LRP4: variants seen among roughly 807,000 people sequenced by gnomAD.
LRP4 encodes LDL receptor related protein 4, also known as low-density lipoprotein receptor-related protein 4.
Under a neutral mutation model 220.3 loss-of-function variants are expected in LRP4, and 95 were observed. The observed-to-expected ratio is 0.43, with a 90% CI of 0.37 to 0.51. LRP4 has a LOEUF of 0.51. Ranked by LOEUF, LRP4 falls within the 20% of genes least tolerant of loss-of-function variation. The pLI is 0.00. For missense variants in LRP4, 1,925 were observed against 2,567.0 expected (o/e 0.75, Z 5.40); for synonymous variants, 903 against 954.6 (o/e 0.95, Z 1.00).
chr11:46,911,882 G>A lies in LRP4; in HGVS notation c.52+6446C>T, dbSNP rs1035569457. The stretch of plus-strand genomic sequence containing the variant: ...TTTTGAGACGGAGTCTCGCTCTGTC[G>A]CTCAGCCTGGAGTGCAGTGGCACAG... On this transcript the variant is annotated intron_variant, in intron 1 of 37. Coordinates refer to ENST00000378623, the MANE Select transcript of LRP4 (RefSeq NM_002334.4). Among the ~76,000 whole-genome samples the A allele has an allele frequency of 5.9e-5, 8 of 135,038 alleles. No individual in the cohort carries two copies. In the South Asian group the frequency reaches 1.4e-3, roughly 23 times the overall value. 88.6% of individuals were successfully genotyped at this position (135,038 alleles called of 152,430 possible). A position where few individuals can be genotyped will look rare whatever the true frequency, so the allele number is the denominator to read the frequency against.
intron 31 of LRP4, among the ~76,000 whole-genome samples, chr11:46,869,882 G>A (rs749864827): frequency 6.6e-6 from 1 of 152,154 alleles, no homozygotes; most frequent in Non-Finnish European, 1.5e-5. Context: ...GCCAAGGTGG[G>A]CGATCATGAG....
rs201695857 is a variant in LRP4 at position 46,878,976 on chromosome 11, G to A, written c.3067C>T (p.Pro1023Ser). The change falls in exon 22 of 38, where the codon CCA (proline) becomes TCA (serine). Residue 1023 changes from proline (P) to serine (S), a missense_variant. Pro to Ser is a moderately conservative substitution (Grantham distance 74, BLOSUM62 -1). This residue lies in a region of LRP4 where 1,244 missense variants were observed against 1,624.9 expected (regional missense o/e 0.77). Coordinates refer to ENST00000378623, the MANE Select transcript of LRP4 (RefSeq NM_002334.4). ...GGGCAGGTACAGCTGAATCCGCTTG[G>A]ATTTGGGGACCTAAGACACAGGTGG... ...CSHLCLRSPN[P>S]SGFSCTCPTG... The A allele has an allele frequency of 1.9e-5, 30 of 1,614,242 alleles. No individual in the cohort carries two copies. Among genetic ancestry groups the A allele is most frequent in the Non-Finnish European group, 2.3e-5 (27 of 1,180,048 alleles).
At position 46,877,276 on chromosome 11, in the gene LRP4, G is replaced by A. The variant is rs1243006183; in HGVS notation, c.3200C>T (p.Pro1067Leu). The A allele has an allele frequency of 1.9e-6, 3 of 1,614,026 alleles. No homozygotes were observed. Among genetic ancestry groups the A allele is most frequent in the Non-Finnish European group, 2.5e-6 (3 of 1,179,942 alleles). ...IDIRMVSLDI[P>L]YFADVVVPIN... ...TGGTACCACCACATCAGCAAAATAAGGGATGTCCAGGGAGACCATGCGAAT... is the reference window on the plus strand; with the variant it reads ...TGGTACCACCACATCAGCAAAATAAAGGATGTCCAGGGAGACCATGCGAAT... The change falls in exon 23 of 38, where the codon CCT becomes CTT. Residue 1067 changes from proline (P) to leucine (L), a missense_variant. Pro to Leu is a moderately conservative substitution (Grantham distance 98). Around this residue, in one of 3 missense-constraint regions of LRP4, gnomAD observed 1,244 missense variants for 1,624.9 expected, o/e 0.77. Transcript: ENST00000378623.
In LRP4 at chr11:46,918,478, T is replaced by G; in HGVS notation, c.-99A>C. On this transcript the variant is annotated 5_prime_UTR_variant, in exon 1 of 38. Transcript: ENST00000378623. The surrounding 1 kb of genome is among the most constrained non-coding windows in gnomAD (Gnocchi z 6.0). ...GTCCCCGAGGGGGAAGCGTCCCGGGTGCACGGCGGCCTGCGCGCCCCGCAA... is the reference window on the plus strand; with the variant it reads ...GTCCCCGAGGGGGAAGCGTCCCGGGGGCACGGCGGCCTGCGCGCCCCGCAA... 1.1e-6 allele frequency: 1 copy of G among 874,328 alleles called. No homozygotes were observed. Among genetic ancestry groups the G allele is most frequent in the Non-Finnish European group, 1.5e-6 (1 of 681,812 alleles). The allele number at this position is 874,328 out of a possible 1,614,324, so 54.2% of individuals were successfully genotyped here. A position where few individuals can be genotyped will look rare whatever the true frequency, so the allele number is the denominator to read the frequency against.
At chr11:46,885,965 AC>A in intron 18 of LRP4, 125 bp downstream of exon 18, 1 of 838,418 alleles carries the variant, frequency 1.2e-6, no homozygotes. Context: ...CTTCTGACCT[AC>A]CAAGGACTTG....
chr11:46,876,243 T>C (rs1941012147), intron 25 of LRP4, among the ~76,000 whole-genome samples: 1 of 152,188 alleles, frequency 6.6e-6, no homozygotes, highest in South Asian at 2.1e-4. Flanking sequence ...AGCTAATACA[T>C]GATGAAAACA....
At position 46,859,190 on chromosome 11, in the gene LRP4, G is replaced by C. The variant is rs1230463665; in HGVS notation, c.5511C>G (p.Leu1837=). 1.2e-6 allele frequency: 2 copies of C among 1,614,160 alleles called. No homozygotes were observed. Among genetic ancestry groups the C allele is most frequent in the Middle Eastern group, 1.6e-4 (1 of 6,062 alleles). The change falls in exon 38 of 38, where the codon CTC becomes CTG. Residue 1837 remains leucine, a synonymous_variant. Transcript: ENST00000378623. ...CTGTCTTCATGCATACATGATCCCGGAGGAGGCCCCCCCGTGAGCTTCGCA... is the reference window on the plus strand; with the variant it reads ...CTGTCTTCATGCATACATGATCCCGCAGGAGGCCCCCCCGTGAGCTTCGCA... ...KQLRSSRGGL[L]RDHVCMKTDT...
chr11:46,885,427 T>C (rs990677848), intron 18 of LRP4, among the ~76,000 whole-genome samples: 4 of 152,046 alleles, frequency 2.6e-5, no homozygotes, highest in African/African-American at 9.7e-5. Flanking sequence ...ACGCTCTGAG[T>C]AGCACTTGTT....
intron 37 of LRP4, among the ~76,000 whole-genome samples, chr11:46,861,334 TGA>T (rs1183398376): frequency 2.0e-5 from 3 of 152,080 alleles, no homozygotes; most frequent in African/African-American, 7.2e-5. Context: ...TTATTACACA[TGA>T]GAGCCCTGCA....
chr11:46,867,599 T>C (rs2134773842), intron 34 of LRP4, among the ~76,000 whole-genome samples: 1 of 152,260 alleles, frequency 6.6e-6, no homozygotes, highest in Non-Finnish European at 1.5e-5. Context: ...GTAGCTGGGA[T>C]TACAGGCATG....
chr11:46,913,228 G>A (rs1174910572), intron 1 of LRP4, among the ~76,000 whole-genome samples: 2 of 152,190 alleles, frequency 1.3e-5, no homozygotes, highest in African/African-American at 4.8e-5. Flanking sequence ...GGCGTAAGAG[G>A]CGCCCAAGGG....
rs1940788643 is a variant in LRP4, at chr11:46,869,049, T to C, written c.4776A>G (p.Thr1592=). 2 of 1,614,204 alleles carry C rather than the reference T, an allele frequency of 1.2e-6. No individual in the cohort carries two copies. The highest frequency in any genetic ancestry group is 4.5e-5 in the East Asian group (2 of 44,876). The change falls in exon 32 of 38, where the codon ACA becomes ACG. Residue 1592 remains threonine (T), a synonymous_variant. Coordinates refer to ENST00000378623, the MANE Select transcript of LRP4 (RefSeq NM_002334.4). ...VDKYSGRNKE[T]VLANVEGLMD... is the part of the protein sequence containing the mutation. ...TGAGTCCTTCCACATTTGCCAGCACTGTCTCCTTGTTCCGGCCTGAGTATT... is the reference window on the plus strand; with the variant it reads ...TGAGTCCTTCCACATTTGCCAGCACCGTCTCCTTGTTCCGGCCTGAGTATT...
Position 46,868,129 on chromosome 11 carries a change from G to C in LRP4, c.4952-15C>G. On this transcript the variant is annotated splice_polypyrimidine_tract_variant and intron_variant, in intron 33 of 37. Coordinates refer to ENST00000378623, the MANE Select transcript of LRP4 (RefSeq NM_002334.4). ...CAGGCCAGGCACTAGACAAAAAAGA[G>C]GATTGGAGTGGGCCACTGGAACCAT... is the stretch of plus-strand genomic sequence containing the variant. The C allele has an allele frequency of 6.2e-7, 1 of 1,613,930 alleles. No individual in the cohort carries two copies. The highest frequency in any genetic ancestry group is 8.5e-7 in the Non-Finnish European group (1 of 1,180,004).
Position 46,874,872 on chromosome 11 carries a change from T to C in LRP4, c.4157A>G (p.Asn1386Ser), listed in dbSNP as rs1293379752. The C allele has an allele frequency of 1.9e-6, 3 of 1,613,974 alleles. No individual in the cohort carries two copies. Among genetic ancestry groups the C allele is most frequent in the African/African-American group, 1.3e-5 (1 of 74,914 alleles). Residue 1386 changes from asparagine (N) to serine (S), a missense_variant, in exon 28 of 38, where the codon AAT becomes AGT. Asn to Ser is a conservative substitution (Grantham distance 46). Coordinates refer to ENST00000378623, the MANE Select transcript of LRP4 (RefSeq NM_002334.4). ...GCTGTCATAGTCCAGGGAGATGACA[T>C]TGTTGAGCTCAGGAACAGGGACATG... ...DVHVPVPELN[N>S]VISLDYDSVD...
chr11:46,863,147 T>C (rs1477482981), intron 36 of LRP4, among the ~76,000 whole-genome samples: 11 of 152,084 alleles, frequency 7.2e-5, no homozygotes. Context: ...CCAACAACTA[T>C]GTGAGTGAGT....
chr11:46,861,209 A>T (rs187849577), intron 37 of LRP4, among the ~76,000 whole-genome samples: 69 of 152,284 alleles, frequency 4.5e-4, no homozygotes, highest in Middle Eastern at 3.4e-3. Flanking sequence ...CTTTTAAAAA[A>T]TTTTTAATTT....
At chr11:46,867,749 C>T (rs1442428135) in intron 34 of LRP4, among the ~76,000 whole-genome samples, 4 of 152,254 alleles carry the variant, frequency 2.6e-5, no homozygotes, top group Non-Finnish European at 5.9e-5. Flanking sequence ...GCGTGAGCCA[C>T]CACACCCAGC....
In LRP4 at chr11:46,898,609, G is replaced by T; in HGVS notation, c.745C>A (p.Arg249Ser). Reference sequence around the variant, plus strand: ...TCACAGTCCGCGTCACCATCGCAGCGCCAGCCTGCATTGATGCACAGGCCA... The same window carrying T: ...TCACAGTCCGCGTCACCATCGCAGCTCCAGCCTGCATTGATGCACAGGCCA... The part of the protein sequence containing the change: ...DSGLCINAGW[R>S]CDGDADCDDQ... Residue 249 changes from arginine (R) to serine (S), a missense_variant, in exon 7 of 38, where the codon CGC becomes AGC. Physicochemically the swap from Arg to Ser is moderately radical, Grantham distance 110 (BLOSUM62 -1). Transcript: ENST00000378623. 6.2e-7 allele frequency: 1 copy of T among 1,614,096 alleles called. No homozygotes were observed. The highest frequency in any genetic ancestry group is 8.5e-7 in the Non-Finnish European group (1 of 1,179,994).
At chr11:46,903,790 C>T (rs1234513858) in intron 1 of LRP4, among the ~76,000 whole-genome samples, 1 of 152,170 alleles carries the variant, frequency 6.6e-6, no homozygotes, top group Non-Finnish European at 1.5e-5. Context: ...TCCCCCAGGC[C>T]ACCTCAGGGC....
Sources: allele counts gnomAD v4.1 joint callset (sites outside exome capture counted in the v4.1 genomes callset), GRCh38; gene constraint gnomAD v4.1.1; regional missense constraint gnomAD v4.1.1; non-coding constraint Gnocchi (gnomAD v3.1); transcripts MANE v1.5; gene names NCBI Gene and HGNC (gene_info 2026-07-23, HGNC 2026-07-21).